COL24A1: variants seen among roughly 807,000 people sequenced by gnomAD.
The protein encoded by COL24A1 is collagen alpha-1(XXIV) chain.
Under a neutral mutation model 253.9 loss-of-function variants are expected in COL24A1, and 224 were observed. That is an observed-to-expected ratio of 0.88 (90% CI 0.79 to 0.99). The LOEUF (loss-of-function observed/expected upper bound fraction) is 0.99, where lower values mean the gene tolerates loss of function less well. Among genes scored for constraint, COL24A1 ranks in the 50% least tolerant of loss-of-function variants. COL24A1 has a pLI of 0.00. For missense variants in COL24A1, 2,131 were observed against 2,068.5 expected (o/e 1.03, Z -0.59); for synonymous variants, 685 against 673.7 (o/e 1.02, Z -0.26).
intron 11 of COL24A1, among the ~76,000 whole-genome samples, chr1:86,048,661 T>G (rs1382822539): frequency 6.6e-6 from 1 of 152,106 alleles, no homozygotes; most frequent in Non-Finnish European, 1.5e-5. Flanking sequence ...CGGCTAATTT[T>G]TTGTATTTTT....
Position 86,022,951 on chromosome 1 carries a change from T to A in COL24A1, c.2103+3A>T, listed in dbSNP as rs1697688266. On this transcript the variant is annotated splice_donor_region_variant and intron_variant, in intron 15 of 59. Coordinates refer to ENST00000370571, the MANE Select transcript of COL24A1 (RefSeq NM_152890.7). ...AATATCCATTATACAAATAGAACCA[T>A]ACCATTGGGCCAGGAATTCCAGCAG... 1 of 1,613,070 alleles carries A rather than the reference T, an allele frequency of 6.2e-7. No homozygotes were observed. Among genetic ancestry groups the A allele is most frequent in the Non-Finnish European group, 8.5e-7 (1 of 1,179,482 alleles).
chr1:85,980,418 A>G (rs1032739407), intron 20 of COL24A1, among the ~76,000 whole-genome samples: 1 of 152,172 alleles, frequency 6.6e-6, no homozygotes. Flanking sequence ...ATGATTGTAT[A>G]CCTATAAAAC....
At chr1:86,092,444 T>C in intron 5 of COL24A1, 124 bp from the exon 6 acceptor site, 4 of 628,144 alleles carry the variant, frequency 6.4e-6, no homozygotes, top group Non-Finnish European at 1.1e-5. Flanking sequence ...TAATTTTACA[T>C]TGAGATAGGC....
intron 24 of COL24A1, among the ~76,000 whole-genome samples, chr1:85,933,758 G>C (rs373283315): frequency 6.6e-6 from 1 of 152,048 alleles, no homozygotes; most frequent in African/African-American, 2.4e-5. Context: ...ATGTGGAAAT[G>C]GTCATAATTT....
intron 7 of COL24A1, among the ~76,000 whole-genome samples, chr1:86,072,146 G>A (rs916297662): frequency 2.0e-5 from 3 of 152,152 alleles, no homozygotes; most frequent in South Asian, 4.1e-4. Flanking sequence ...CACCTGGAAC[G>A]CCAGTGAGAC....
At chr1:85,975,949 T>C (rs1445630474) in intron 20 of COL24A1, among the ~76,000 whole-genome samples, 2 of 152,122 alleles carry the variant, frequency 1.3e-5, no homozygotes, top group Admixed American at 6.6e-5. Context: ...AGGAAGAGCA[T>C]TGTAGGCACT....
intron 7 of COL24A1, among the ~76,000 whole-genome samples, chr1:86,065,643 A>G (rs1370810335): frequency 6.6e-6 from 1 of 152,078 alleles, no homozygotes; most frequent in Non-Finnish European, 1.5e-5. Flanking sequence ...TTAAATAAAA[A>G]CAAGCTGGGC....
At chr1:85,926,294 A>G (rs1571249892) in intron 24 of COL24A1, among the ~76,000 whole-genome samples, 1 of 152,238 alleles carries the variant, frequency 6.6e-6, no homozygotes, top group Admixed American at 6.5e-5. Context: ...AGAACTAGAA[A>G]TACCATTTGA....
At chr1:85,831,348 A>G (rs931599596) in intron 43 of COL24A1, among the ~76,000 whole-genome samples, 59 of 152,220 alleles carry the variant, frequency 3.9e-4, no homozygotes, top group African/African-American at 1.3e-3. Context: ...CATCATGCCC[A>G]ATTATGGCTT....
chr1:85,764,586 TG>T (rs1317732841), intron 53 of COL24A1, among the ~76,000 whole-genome samples: 4 of 151,990 alleles, frequency 2.6e-5, no homozygotes, highest in African/African-American at 7.2e-5. Flanking sequence ...ATATAGGAAT[TG>T]GGAATCTGGG....
intron 24 of COL24A1, among the ~76,000 whole-genome samples, chr1:85,914,845 G>A (rs1445257009): frequency 6.6e-6 from 1 of 152,192 alleles, no homozygotes; most frequent in Non-Finnish European, 1.5e-5. Flanking sequence ...AAAGAGGTTA[G>A]TGAGTTTTTG....
chr1:86,011,599 G>A (rs1338217771), intron 19 of COL24A1, among the ~76,000 whole-genome samples: 9 of 152,114 alleles, frequency 5.9e-5, no homozygotes, highest in Admixed American at 2.6e-4. Context: ...TCCAGCTCCT[G>A]TGCAAATTAA....
intron 28 of COL24A1, among the ~76,000 whole-genome samples, chr1:85,906,410 T>C (rs1396215530): frequency 6.6e-6 from 1 of 151,676 alleles, no homozygotes; most frequent in Non-Finnish European, 1.5e-5. Context: ...ATTTAAAAAA[T>C]ACTCCCTGAT....
chr1:85,868,413 T>C (rs2102515425), intron 37 of COL24A1, 106 bp downstream of exon 37: 2 of 681,408 alleles, frequency 2.9e-6, no homozygotes, highest in Non-Finnish European at 5.0e-6. Flanking sequence ...TATACAATTA[T>C]CCACTGGATA....
intron 37 of COL24A1, among the ~76,000 whole-genome samples, chr1:85,854,761 G>A (rs1351826026): frequency 6.6e-6 from 1 of 151,240 alleles, no homozygotes; most frequent in Non-Finnish European, 1.5e-5. Flanking sequence ...CTGGAGTGTA[G>A]TGGTGTGATC....
chr1:86,101,887 C>T (rs781591565), intron 5 of COL24A1, among the ~76,000 whole-genome samples: 1 of 152,084 alleles, frequency 6.6e-6, no homozygotes, highest in African/African-American at 2.4e-5. Context: ...CGGGATGATG[C>T]TGGCCTCATT....
At position 85,935,681 on chromosome 1, in the gene COL24A1, T is replaced by C. The variant is rs1435120339; in HGVS notation, c.2563-24248A>G. Among the ~76,000 whole-genome samples the C allele has an allele frequency of 2.7e-5, 4 of 147,154 alleles. 1 individual carries two copies. Among genetic ancestry groups the C allele is most frequent in the Admixed American group, 6.8e-5 (1 of 14,688 alleles). ...TATCCCAGGCAGTAGGCATAAGGGA[T>C]ACAGTATCAGACTGAAGTCATCTGA... On this transcript the variant is annotated intron_variant, in intron 24 of 59. Coordinates refer to ENST00000370571, the MANE Select transcript of COL24A1 (RefSeq NM_152890.7).
At chr1:85,762,288 T>A (rs1030014935) in intron 53 of COL24A1, among the ~76,000 whole-genome samples, 4 of 152,166 alleles carry the variant, frequency 2.6e-5, no homozygotes, top group African/African-American at 2.4e-5. Flanking sequence ...TTTTGGATAA[T>A]GTTGACACCA....
intron 24 of COL24A1, among the ~76,000 whole-genome samples, chr1:85,941,612 G>A (rs555843086): frequency 4.7e-5 from 6 of 127,932 alleles, no homozygotes; most frequent in African/African-American, 1.5e-4. Flanking sequence ...AGGTAAGAAC[G>A]AGACATGTAC....
Sources: allele counts gnomAD v4.1 joint callset (sites outside exome capture counted in the v4.1 genomes callset), GRCh38; gene constraint gnomAD v4.1.1; transcripts MANE v1.5; gene names NCBI Gene and HGNC (gene_info 2026-07-23, HGNC 2026-07-21).